Variants in SLC66A1 observed in about 807,000 individuals in gnomAD.
SLC66A1 encodes the protein solute carrier family 66 member 1.
A neutral mutation model predicts 33.0 loss-of-function variants in SLC66A1; 23 were observed. The ratio of observed to expected loss-of-function variants is 0.70; its 90% CI spans 0.50 to 0.99. The LOEUF is 0.99. Ranked by LOEUF, SLC66A1 falls within the 50% of genes least tolerant of loss-of-function variation. The pLI is 0.00. For synonymous variants in SLC66A1, 164 were observed against 175.5 expected (o/e 0.93, Z 0.52); for missense variants, 335 against 383.6 (o/e 0.87, Z 1.06).
At position 19,329,021 on chromosome 1, in the gene SLC66A1, C is replaced by A. The variant is rs1304331351; in HGVS notation, c.*378C>A. ...CCTGTAATCCTAGCACTTTGGGAGG[C>A]CGAAGCGGGTGGACCACTTGACGTC... On this transcript the variant is annotated 3_prime_UTR_variant, in exon 8 of 8. Coordinates refer to ENST00000375153, the MANE Select transcript of SLC66A1 (RefSeq NM_001040125.2). The A allele has an allele frequency of 8.3e-6, 2 of 242,142 alleles. No homozygotes were observed. The highest frequency in any genetic ancestry group is 1.6e-5 in the Non-Finnish European group (2 of 123,930). 15.0% of individuals were successfully genotyped at this position (242,142 alleles called of 1,614,324 possible).
At chr1:19,313,416 G>T (rs947799828) in intron 1 of SLC66A1, among the ~76,000 whole-genome samples, 1 of 152,118 alleles carries the variant, frequency 6.6e-6, no homozygotes, top group Non-Finnish European at 1.5e-5. Context: ...ACCTCTAGGT[G>T]TGTTTACACC....
Position 19,318,208 on chromosome 1 carries a change from A to G in SLC66A1, c.164+367A>G, listed in dbSNP as rs959047769. Among the ~76,000 whole-genome samples, 5 of 152,260 alleles carry G rather than the reference A, an allele frequency of 3.3e-5. 1 individual carries two copies. Among genetic ancestry groups the G allele is most frequent in the Admixed American group, 3.3e-4 (5 of 15,300 alleles). On this transcript the variant is annotated intron_variant, in intron 2 of 7. Transcript: ENST00000375153. ...ATCCAAAACCCAGAGAAGTTAAGCAATTTGCTTTAGGTCACACAGCTGGTC... is the reference window on the plus strand; with the variant it reads ...ATCCAAAACCCAGAGAAGTTAAGCAGTTTGCTTTAGGTCACACAGCTGGTC...
At chr1:19,333,614 C>G (rs1278015413), downstream of SLC66A1, among the ~76,000 whole-genome samples, 3 of 152,166 alleles carry the variant, frequency 2.0e-5, no homozygotes, top group Non-Finnish European at 4.4e-5. This position sits in a 1 kb window ranked among gnomAD's most constrained non-coding sequence, Gnocchi z 4.2. Context: ...TGCCGGGTGA[C>G]AGCCAGGTGC....
intron 2 of SLC66A1, among the ~76,000 whole-genome samples, chr1:19,321,172 T>C (rs969769579): frequency 8.0e-6 from 1 of 124,702 alleles, no homozygotes; most frequent in African/African-American, 3.8e-5. Context: ...ATCTCTTCTT[T>C]TTTTTTTTTT....
At chr1:19,315,203 C>G (rs1018016562) in intron 1 of SLC66A1, among the ~76,000 whole-genome samples, 1 of 152,220 alleles carries the variant, frequency 6.6e-6, no homozygotes, top group Non-Finnish European at 1.5e-5. Flanking sequence ...ACCACTGCGC[C>G]CGGCCACACC....
chr1:19,319,605 G>GTTTTT (rs569177720), intron 2 of SLC66A1, among the ~76,000 whole-genome samples: 18,481 of 111,546 alleles, frequency 0.17, 2,744 homozygotes, highest in Middle Eastern at 0.23. Context: ...GCACATTCAT[G>GTTTTT]TTTTTTTTTT....
intron 2 of SLC66A1, among the ~76,000 whole-genome samples, chr1:19,323,605 C>A (rs1230946358): frequency 6.6e-6 from 1 of 152,104 alleles, no homozygotes; most frequent in East Asian, 1.9e-4. Flanking sequence ...TGGGGTTTCA[C>A]CATGTTGGCC....
intron 2 of SLC66A1, among the ~76,000 whole-genome samples, chr1:19,321,978 C>T (rs544924100): frequency 6.6e-6 from 1 of 152,312 alleles, no homozygotes; most frequent in East Asian, 1.9e-4. Context: ...GTTCCAGGTG[C>T]CTGTTGGGTG....
intron 4 of SLC66A1, 67 bp downstream of exon 4, chr1:19,325,649 G>A (rs177288): frequency 1.3e-5 from 17 of 1,279,490 alleles, no homozygotes; most frequent in Admixed American, 3.9e-5. Context: ...GGGGGGGGGC[G>A]CCTGGAGTGT....
chr1:19,332,494 G>A (rs1431903685), downstream of SLC66A1, among the ~76,000 whole-genome samples: 2 of 152,220 alleles, frequency 1.3e-5, no homozygotes, highest in African/African-American at 2.4e-5. Context: ...CCAAGGCCGG[G>A]TGCAGTGGTT....
intron 4 of SLC66A1, 87 bp downstream of exon 4, chr1:19,325,669 C>T (rs1449792011): frequency 6.0e-6 from 7 of 1,167,176 alleles, no homozygotes; most frequent in Admixed American, 2.1e-5. Flanking sequence ...TGGGAGGAAG[C>T]GGGTTTCCCA....
At chr1:19,326,676 C>T in intron 6 of SLC66A1, 53 bp downstream of exon 6, 1 of 1,558,688 alleles carries the variant, frequency 6.4e-7, no homozygotes, top group Non-Finnish European at 8.8e-7. Flanking sequence ...GCTGGCCTGG[C>T]CACCCGGGCC....
At chr1:19,329,604 C>T (rs747567708), downstream of SLC66A1, among the ~76,000 whole-genome samples, 1 of 152,342 alleles carries the variant, frequency 6.6e-6, no homozygotes, top group South Asian at 2.1e-4. Context: ...GGTTCTCCAT[C>T]GCAGTTCCTC....
downstream of SLC66A1, among the ~76,000 whole-genome samples, chr1:19,330,238 C>A (rs540733313): frequency 1.3e-5 from 2 of 152,232 alleles, no homozygotes; most frequent in South Asian, 4.1e-4. Flanking sequence ...CCCCACACAC[C>A]CAACCCTAGC....
Position 19,317,690 on chromosome 1 carries a change from A to G in SLC66A1, c.13A>G (p.Lys5Glu), listed in dbSNP as rs1450724621. The change falls in exon 2 of 8, where the codon AAA becomes GAA. Residue 5 changes from lysine (K) to glutamate (E), a missense_variant. Coordinates refer to ENST00000375153, the MANE Select transcript of SLC66A1 (RefSeq NM_001040125.2). MVWKKLGSRNFSSCP... is the reference protein window; with the variant it reads MVWKELGSRNFSSCP... ...CTCCTCCACAGCCATGGTCTGGAAG[A>G]AACTGGGCTCCCGCAACTTCTCCAG... The G allele has an allele frequency of 6.2e-7, 1 of 1,614,018 alleles. No homozygotes were observed. Among genetic ancestry groups the G allele is most frequent in the Non-Finnish European group, 8.5e-7 (1 of 1,179,964 alleles).
At chr1:19,320,698 A>G (rs1170312198) in intron 2 of SLC66A1, among the ~76,000 whole-genome samples, 1 of 150,626 alleles carries the variant, frequency 6.6e-6, no homozygotes, top group African/African-American at 2.5e-5. Flanking sequence ...TACAGGCGTG[A>G]GCCACCGCAC....
intron 3 of SLC66A1, 72 bp downstream of exon 3, chr1:19,324,834 G>T (rs2093855373): frequency 6.4e-7 from 1 of 1,571,168 alleles, no homozygotes; most frequent in Admixed American, 1.8e-5. Flanking sequence ...CTGAGGAGAT[G>T]CCAGGCTCTT....
chr1:19,319,605 G>GTTTTTTTTTTTTTTTTTTTTTT lies in SLC66A1; in HGVS notation c.164+1780_164+1781insTTTTTTTTTTTTTTTTTTTTTT, dbSNP rs569177720. On this transcript the variant is annotated intron_variant, in intron 2 of 7. Coordinates refer to ENST00000375153, the MANE Select transcript of SLC66A1 (RefSeq NM_001040125.2). ...GATTAATGTTGCTGTGCACATTCAT[G>GTTTTTTTTTTTTTTTTTTTTTT]TTTTTTTTTTTTTTTTGCCTGGTGC... 2.0e-4 allele frequency among the ~76,000 whole-genome samples: 22 copies of GTTTTTTTTTTTTTTTTTTTTTT among 111,852 alleles called. 1 individual carries two copies. In the East Asian group the frequency reaches 2.2e-3, roughly 11 times the overall value. 73.4% of individuals were successfully genotyped at this position (111,852 alleles called of 152,430 possible). A position where few individuals can be genotyped will look rare whatever the true frequency, so the allele number is the denominator to read the frequency against.
intron 2 of SLC66A1, among the ~76,000 whole-genome samples, chr1:19,320,642 C>A (rs2093831316): frequency 6.6e-6 from 1 of 151,688 alleles, no homozygotes; most frequent in Admixed American, 6.6e-5. Flanking sequence ...GTCTCGATTT[C>A]CTGACCTTGT....
Sources: gnomAD v4.1 joint callset for allele counts (sites outside exome capture counted in the v4.1 genomes callset) on GRCh38, gnomAD v4.1.1 for gene constraint, Gnocchi (gnomAD v3.1) non-coding constraint, MANE v1.5 for transcripts, NCBI Gene and HGNC (gene_info 2026-07-23, HGNC 2026-07-21) for gene names.